Variants in HECA observed in about 807,000 individuals in gnomAD.
HECA encodes the protein headcase protein homolog.
A neutral mutation model predicts 37.6 loss-of-function variants in HECA; 13 were observed. That is an observed-to-expected ratio of 0.35 (90% CI 0.23 to 0.55). The LOEUF is 0.55. Among genes scored for constraint, HECA ranks in the 20% least tolerant of loss-of-function variants. The probability of loss-of-function intolerance (pLI) is 0.90; values close to 1 mark genes in which losing one functional copy is unlikely to be tolerated. For synonymous variants in HECA, 307 were observed against 291.5 expected (o/e 1.05, Z -0.54); for missense variants, 527 against 701.9 (o/e 0.75, Z 2.82).
At chr6:139,157,886 A>G (rs1774739772) in intron 1 of HECA, among the ~76,000 whole-genome samples, 1 of 152,168 alleles carries the variant, frequency 6.6e-6, no homozygotes, top group Admixed American at 6.5e-5. Flanking sequence ...GGTGAATATA[A>G]TAACACTGAA....
chr6:139,178,320 A>G lies in HECA; in HGVS notation c.*1215A>G, dbSNP rs1190975557. The G allele has an allele frequency of 2.6e-5, 4 of 152,172 alleles. No individual in the cohort carries two copies. The highest frequency in any genetic ancestry group is 5.9e-5 in the Non-Finnish European group (4 of 68,030). The allele number at this position is 152,172 out of a possible 1,614,324, so 9.4% of individuals were successfully genotyped here. A position where few individuals can be genotyped will look rare whatever the true frequency, so the allele number is the denominator to read the frequency against. On this transcript the variant is annotated 3_prime_UTR_variant, in exon 4 of 4. Transcript: ENST00000367658. ...ACAGCCTTTGGTTCAGTAGATTTTA[A>G]TGCTTTAAATAGACTGACGTCGCAT...
intron 1 of HECA, among the ~76,000 whole-genome samples, chr6:139,148,676 G>A (rs1774613088): frequency 6.6e-6 from 1 of 152,058 alleles, no homozygotes; most frequent in African/African-American, 2.4e-5. Flanking sequence ...TGAGGCAGGA[G>A]AATCGCTTCA....
At chr6:139,160,520 C>A (rs1774783961) in intron 1 of HECA, among the ~76,000 whole-genome samples, 1 of 152,186 alleles carries the variant, frequency 6.6e-6, no homozygotes, top group South Asian at 2.1e-4. Flanking sequence ...CTCACTTGAT[C>A]CTTCCACCTC....
chr6:139,164,827 C>CT (rs1774860867), intron 1 of HECA, among the ~76,000 whole-genome samples: 1 of 150,746 alleles, frequency 6.6e-6, no homozygotes, highest in Admixed American at 6.6e-5. Flanking sequence ...GGCAGCCACT[C>CT]TTTTGGGCCT....
At chr6:139,164,989 C>T (rs911502821) in intron 1 of HECA, among the ~76,000 whole-genome samples, 1 of 152,170 alleles carries the variant, frequency 6.6e-6, no homozygotes, top group Non-Finnish European at 1.5e-5. Context: ...AAAAATATCC[C>T]AAGCTGTGTC....
rs1328280117 is a variant in HECA at position 139,176,854 on chromosome 6, C to G, written c.1468-87C>G. 2 of 754,766 alleles carry G rather than the reference C, an allele frequency of 2.6e-6. No homozygotes were observed. The highest frequency in any genetic ancestry group is 4.6e-6 in the Non-Finnish European group (2 of 430,276). 46.8% of individuals were successfully genotyped at this position (754,766 alleles called of 1,614,324 possible). On this transcript the variant is annotated intron_variant, in intron 3 of 3. Coordinates refer to ENST00000367658, the MANE Select transcript of HECA (RefSeq NM_016217.3). This position sits in a 1 kb window ranked among gnomAD's most constrained non-coding sequence, Gnocchi z 4.5. ...AGGGATGCTTTGCAAAGCCCTTGAT[C>G]AGTTTCCCAGCATTTTGGTTTGGAT... is the stretch of plus-strand genomic sequence containing the variant.
intron 1 of HECA, among the ~76,000 whole-genome samples, chr6:139,148,298 G>A (rs1774609379): frequency 6.6e-6 from 1 of 152,166 alleles, no homozygotes; most frequent in Non-Finnish European, 1.5e-5. Flanking sequence ...TAGAAATAAA[G>A]GTAAAGGTAA....
chr6:139,149,007 C>T (rs1005077769), intron 1 of HECA, among the ~76,000 whole-genome samples: 2 of 152,186 alleles, frequency 1.3e-5, no homozygotes, highest in African/African-American at 2.4e-5. Context: ...AAACTGAGGC[C>T]TCTTAAGGCT....
intron 1 of HECA, chr6:139,155,766 CAA>C (rs1386367246): frequency 2.0e-5 from 3 of 152,120 alleles, no homozygotes; most frequent in African/African-American, 4.8e-5. Flanking sequence ...AATCTCCAAA[CAA>C]GAGAAAAGGC....
chr6:139,136,542 T>G (rs773555342), intron 1 of HECA, among the ~76,000 whole-genome samples: 1 of 152,048 alleles, frequency 6.6e-6, no homozygotes, highest in Non-Finnish European at 1.5e-5. Context: ...AACGTAGGTA[T>G]TTTAATGAAG....
intron 1 of HECA, among the ~76,000 whole-genome samples, chr6:139,157,280 T>G (rs548758421): frequency 5.3e-5 from 8 of 152,346 alleles, no homozygotes; most frequent in African/African-American, 1.9e-4. Flanking sequence ...TACTGCAATC[T>G]GTTTTTATCA....
intron 1 of HECA, among the ~76,000 whole-genome samples, chr6:139,153,612 G>A (rs933512181): frequency 1.3e-5 from 2 of 151,900 alleles, no homozygotes; most frequent in East Asian, 1.9e-4. Flanking sequence ...TAGTAGAGAC[G>A]AGGTTTCGCC....
chr6:139,167,241 AG>A lies in HECA; in HGVS notation c.1230del (p.Gln410HisfsTer11). The A allele has an allele frequency of 6.2e-7, 1 of 1,614,050 alleles. No individual in the cohort carries two copies. Among genetic ancestry groups the A allele is most frequent in the Non-Finnish European group, 8.5e-7 (1 of 1,179,890 alleles). On this transcript the variant is annotated frameshift_variant, in exon 2 of 4. Coordinates refer to ENST00000367658, the MANE Select transcript of HECA (RefSeq NM_016217.3). LOFTEE classifies it high-confidence loss of function. ...CACCGGGCGCTCCCGGTGTTCGAAC[AG>A]TTCCCACTGGTGGATGGAACTTTGT... ...LCHRALPVFE[Q>X]FPLVDGTLFL...
At chr6:139,150,292 TTA>T (rs1463795047) in intron 1 of HECA, among the ~76,000 whole-genome samples, 1 of 152,196 alleles carries the variant, frequency 6.6e-6, no homozygotes, top group East Asian at 1.9e-4. Flanking sequence ...TATCAATATT[TTA>T]TATGGAATCA....
chr6:139,164,854 T>G (rs936253305), intron 1 of HECA, among the ~76,000 whole-genome samples: 1 of 147,910 alleles, frequency 6.8e-6, no homozygotes, highest in Admixed American at 6.7e-5. Context: ...ACAGGTTTCC[T>G]TCCTTGGTCC....
At chr6:139,161,756 G>T (rs974763341) in intron 1 of HECA, among the ~76,000 whole-genome samples, 1 of 152,120 alleles carries the variant, frequency 6.6e-6, no homozygotes, top group African/African-American at 2.4e-5. Context: ...GATTTTATTG[G>T]TCTTGGGTTA....
chr6:139,155,663 C>T (rs1307365565), intron 1 of HECA: 1 of 152,176 alleles, frequency 6.6e-6, no homozygotes, highest in African/African-American at 2.4e-5. Context: ...CCAAGAGCTC[C>T]TGAATCTACA....
Position 139,135,369 on chromosome 6 carries a change from G to A in HECA, c.-28G>A, listed in dbSNP as rs549503711. 86 of 1,327,790 alleles carry A rather than the reference G, an allele frequency of 6.5e-5. 1 individual carries two copies. The African/African-American group carries it at 1.2e-3, about 18-fold the overall frequency. 82.3% of individuals were successfully genotyped at this position (1,327,790 alleles called of 1,614,324 possible). A position where few individuals can be genotyped will look rare whatever the true frequency, so the allele number is the denominator to read the frequency against. On this transcript the variant is annotated 5_prime_UTR_variant, in exon 1 of 4. Coordinates refer to ENST00000367658, the MANE Select transcript of HECA (RefSeq NM_016217.3). ...CTGGGATCCGCCTTCGCTGACGCCGGGCACCTACCTGGACGCGAGCGAGCG... is the reference window on the plus strand; with the variant it reads ...CTGGGATCCGCCTTCGCTGACGCCGAGCACCTACCTGGACGCGAGCGAGCG...
intron 2 of HECA, chr6:139,169,458 T>TGCTAC (rs1774942153): frequency 6.6e-6 from 1 of 152,366 alleles, no homozygotes; most frequent in African/African-American, 2.4e-5. Context: ...TAATTTCTTG[T>TGCTAC]GCTACCTTTG....
Sources: gnomAD v4.1 joint callset for allele counts (sites outside exome capture counted in the v4.1 genomes callset) on GRCh38, gnomAD v4.1.1 for gene constraint, Gnocchi (gnomAD v3.1) non-coding constraint, MANE v1.5 for transcripts, NCBI Gene and HGNC (gene_info 2026-07-23, HGNC 2026-07-21) for gene names.